The following TCF20 variants were observed in gnomAD, a reference collection of about 807,000 sequenced individuals.
The protein encoded by TCF20 is transcription factor 20.
A neutral mutation model predicts 148.6 loss-of-function variants in TCF20; 3 were observed. That is an observed-to-expected ratio of 0.02 (90% CI 0.01 to 0.05). The LOEUF is 0.05. Among genes scored for constraint, TCF20 ranks in the 10% least tolerant of loss-of-function variants. The probability of loss-of-function intolerance (pLI) is 1.00; values close to 1 mark genes in which losing one functional copy is unlikely to be tolerated. For synonymous variants in TCF20, 1,049 were observed against 909.5 expected (o/e 1.15, Z -2.76); for missense variants, 2,350 against 2,429.3 (o/e 0.97, Z 0.69).
chr22:42,342,714 C>T (rs961593455), intron 1 of TCF20, among the ~76,000 whole-genome samples: 1 of 152,182 alleles, frequency 6.6e-6, no homozygotes, highest in Non-Finnish European at 1.5e-5. Context: ...ACCCTACTTC[C>T]GCATTAAATT....
At chr22:42,325,301 G>A (rs1227571009) in intron 1 of TCF20, among the ~76,000 whole-genome samples, 1 of 152,230 alleles carries the variant, frequency 6.6e-6, no homozygotes, top group Non-Finnish European at 1.5e-5. Flanking sequence ...GGCAGCAGCA[G>A]CCACTCCCAG....
intron 1 of TCF20, among the ~76,000 whole-genome samples, chr22:42,256,649 A>G (rs1925761928): frequency 6.6e-6 from 1 of 151,662 alleles, no homozygotes; most frequent in Admixed American, 6.6e-5. Context: ...ATCTACTAGA[A>G]AAACAAAAAA....
chr22:42,238,590 AG>A (rs1924090492), intron 1 of TCF20, among the ~76,000 whole-genome samples: 1 of 152,242 alleles, frequency 6.6e-6, no homozygotes, highest in Admixed American at 6.5e-5. Flanking sequence ...CTGATTTAAA[AG>A]TGAGAGATGT....
chr22:42,177,274 G>C (rs1362809484), intron 3 of TCF20, among the ~76,000 whole-genome samples: 2 of 152,136 alleles, frequency 1.3e-5, no homozygotes, highest in Non-Finnish European at 2.9e-5. Flanking sequence ...AATTAGCCGG[G>C]CATGGTGGTG....
Position 42,210,677 on chromosome 22 carries a change from G to C in TCF20, c.4629C>G (p.Pro1543=). ...YFPSGKKKGR[P]IGSVNKQKKQ... is the part of the protein sequence containing the mutation. Reference sequence around the variant, plus strand: ...TCTTTTGCTTATTCACACTACCAATGGGTCTCCCCTTCTTCTTTCCTGATG... The same window carrying C: ...TCTTTTGCTTATTCACACTACCAATCGGTCTCCCCTTCTTCTTTCCTGATG... The change falls in exon 2 of 6, where the codon CCC becomes CCG. Residue 1543 remains proline, a synonymous_variant. Coordinates refer to ENST00000677622, the MANE Select transcript of TCF20 (RefSeq NM_001378418.1). This position sits in a 1 kb window ranked among gnomAD's most constrained non-coding sequence, Gnocchi z 4.7. 2 of 1,614,170 alleles carry C rather than the reference G, an allele frequency of 1.2e-6. No individual in the cohort carries two copies. Among genetic ancestry groups the C allele is most frequent in the Non-Finnish European group, 1.7e-6 (2 of 1,180,038 alleles).
intron 1 of TCF20, among the ~76,000 whole-genome samples, chr22:42,311,026 G>A (rs554516983): frequency 6.6e-6 from 1 of 152,318 alleles, no homozygotes; most frequent in Admixed American, 6.5e-5. Context: ...CTTAGGAACC[G>A]TATGGCTGGC....
chr22:42,164,189 C>T (rs1483769633), intron 5 of TCF20, among the ~76,000 whole-genome samples: 1 of 150,252 alleles, frequency 6.7e-6, no homozygotes, highest in East Asian at 2.0e-4. Flanking sequence ...GCCCTTTTTT[C>T]CCTGGGATGC....
intron 1 of TCF20, among the ~76,000 whole-genome samples, chr22:42,320,301 G>A (rs1026566396): frequency 6.6e-6 from 1 of 152,172 alleles, no homozygotes; most frequent in Non-Finnish European, 1.5e-5. Flanking sequence ...GCAGGATGGA[G>A]CCGTACAGCC....
At chr22:42,168,157 A>T (rs181974903) in intron 5 of TCF20, among the ~76,000 whole-genome samples, 1 of 152,328 alleles carries the variant, frequency 6.6e-6, no homozygotes, top group Admixed American at 6.5e-5. Flanking sequence ...CTAATAACAA[A>T]ACCCAAGAGT....
chr22:42,164,913 G>A (rs1344400652), intron 5 of TCF20, among the ~76,000 whole-genome samples: 1 of 152,224 alleles, frequency 6.6e-6, no homozygotes, highest in Non-Finnish European at 1.5e-5. Flanking sequence ...AGGCAGCCAG[G>A]GGCCTGGAGA....
chr22:42,284,049 T>C (rs1382100753), upstream of TCF20, among the ~76,000 whole-genome samples: 2 of 152,092 alleles, frequency 1.3e-5, no homozygotes, highest in African/African-American at 4.8e-5. Context: ...TGACATCAGC[T>C]GAGCCTCTGA....
chr22:42,270,971 G>C (rs890371403), upstream of TCF20, among the ~76,000 whole-genome samples: 7 of 152,096 alleles, frequency 4.6e-5, no homozygotes, highest in African/African-American at 1.7e-4. Context: ...CCAACTTTCT[G>C]GGGGAGTTGG....
intron 2 of TCF20, among the ~76,000 whole-genome samples, chr22:42,185,035 C>G (rs187734932): frequency 2.1e-3 from 316 of 152,260 alleles, no homozygotes; most frequent in African/African-American, 6.9e-3. Context: ...TTTAAGGGAG[C>G]CTTCTCCAAG....
intron 1 of TCF20, among the ~76,000 whole-genome samples, chr22:42,243,888 G>A (rs1340532757): frequency 6.6e-6 from 1 of 152,132 alleles, no homozygotes; most frequent in Non-Finnish European, 1.5e-5. Flanking sequence ...CATAGGTATG[G>A]CTATAGGAAA....
rs1026387704 is a variant in TCF20, at chr22:42,290,791, C to T, written c.-37+52688G>A. Among the ~76,000 whole-genome samples, 1 of 152,240 alleles carries T rather than the reference C, an allele frequency of 6.6e-6. No individual in the cohort carries two copies. The highest frequency in any genetic ancestry group is 1.5e-5 in the Non-Finnish European group (1 of 68,036). ...ATTCAAGGCAATTCAAGGACGAGGT[C>T]AGCCTCCCAGAGCACACAGGGGCCT... On this transcript the variant is annotated intron_variant, in intron 1 of 1. Transcript: ENST00000515426. The surrounding 1 kb of genome is among the most constrained non-coding windows in gnomAD (Gnocchi z 4.2).
At chr22:42,219,512 A>C (rs549465093) in intron 1 of TCF20, among the ~76,000 whole-genome samples, 53 of 152,074 alleles carry the variant, frequency 3.5e-4, no homozygotes, top group African/African-American at 1.3e-3. Flanking sequence ...AATAGTAAGG[A>C]AAATCTGATA....
At chr22:42,241,905 A>G (rs1314622713) in intron 1 of TCF20, among the ~76,000 whole-genome samples, 1 of 152,090 alleles carries the variant, frequency 6.6e-6, no homozygotes, top group Non-Finnish European at 1.5e-5. Flanking sequence ...ACCCAGAATG[A>G]AAAATAGAAA....
At chr22:42,313,601 T>A (rs113497969) in intron 1 of TCF20, among the ~76,000 whole-genome samples, 1 of 142,482 alleles carries the variant, frequency 7.0e-6, no homozygotes, top group Non-Finnish European at 1.5e-5. Context: ...TTCTTTCTTT[T>A]TTTTTTTTTT....
In TCF20 at chr22:42,211,309, G is replaced by A. The variant is rs768298389; in HGVS notation, c.3997C>T (p.Leu1333Phe). The change falls in exon 2 of 6, where the codon CTC becomes TTC. Residue 1333 changes from leucine to phenylalanine, a missense_variant. Leu to Phe is a conservative substitution (Grantham distance 22). Transcript: ENST00000677622. Reference sequence around the variant, plus strand: ...ATTTTGGTCTTAGCAGGGCTTGTGAGGGTAACAGCAGGGCAGTTTCTACTA... The same window carrying A: ...ATTTTGGTCTTAGCAGGGCTTGTGAAGGTAACAGCAGGGCAGTTTCTACTA... The part of the protein sequence containing the change: ...PDSRNCPAVT[L>F]TSPAKTKILP... 4 of 1,614,064 alleles carry A rather than the reference G, an allele frequency of 2.5e-6. No homozygotes were observed. In the Admixed American group the frequency reaches 5.0e-5, roughly 20 times the overall value.
Sources: allele counts gnomAD v4.1 joint callset (sites outside exome capture counted in the v4.1 genomes callset), GRCh38; gene constraint gnomAD v4.1.1; non-coding constraint Gnocchi (gnomAD v3.1); transcripts MANE v1.5; gene names NCBI Gene and HGNC (gene_info 2026-07-23, HGNC 2026-07-21).